The following GRIN2B variants were observed in gnomAD, a reference collection of about 807,000 sequenced individuals.
GRIN2B encodes the protein glutamate ionotropic receptor NMDA type subunit 2B.
Under a neutral mutation model 114.5 loss-of-function variants are expected in GRIN2B, and 5 were observed. That is an observed-to-expected ratio of 0.04 (90% confidence interval 0.02 to 0.09). The LOEUF is 0.09. Ranked by LOEUF, GRIN2B falls within the 10% of genes least tolerant of loss-of-function variation. The probability of loss-of-function intolerance (pLI) is 1.00; values close to 1 mark genes in which losing one functional copy is unlikely to be tolerated. For missense variants in GRIN2B, 1,108 were observed against 1,943.5 expected (o/e 0.57, Z 8.08); for synonymous variants, 787 against 745.1 (o/e 1.06, Z -0.92).
chr12:13,573,727 T>C (rs978427817), intron 10 of GRIN2B, among the ~76,000 whole-genome samples: 8 of 152,350 alleles, frequency 5.3e-5, no homozygotes, highest in African/African-American at 1.9e-4. Flanking sequence ...AGGAGAACTC[T>C]GAAGCCTTGG....
chr12:13,858,722 T>C (rs1453691726), intron 3 of GRIN2B, among the ~76,000 whole-genome samples: 12 of 152,228 alleles, frequency 7.9e-5, no homozygotes, highest in Admixed American at 4.6e-4. Flanking sequence ...ATTCAAACAC[T>C]ATTTTATTCC....
intron 2 of GRIN2B, among the ~76,000 whole-genome samples, chr12:13,946,792 T>A (rs1434260709): frequency 1.3e-5 from 2 of 152,184 alleles, no homozygotes; most frequent in African/African-American, 4.8e-5. Flanking sequence ...TTACCACAGT[T>A]TAAAATATAT....
At chr12:13,902,574 G>A (rs1591612123) in intron 2 of GRIN2B, among the ~76,000 whole-genome samples, 2 of 152,138 alleles carry the variant, frequency 1.3e-5, no homozygotes, top group East Asian at 3.9e-4. Flanking sequence ...ACTTTGGGAG[G>A]CCAAGGTGGG....
chr12:13,958,996 A>ACAT (rs1867646226), intron 2 of GRIN2B, among the ~76,000 whole-genome samples: 1 of 152,158 alleles, frequency 6.6e-6, no homozygotes, highest in Admixed American at 6.5e-5. Flanking sequence ...AGAAACATAC[A>ACAT]CATTTGGATA....
intron 5 of GRIN2B, among the ~76,000 whole-genome samples, chr12:13,664,321 G>C (rs987982210): frequency 6.6e-6 from 1 of 152,084 alleles, no homozygotes; most frequent in African/African-American, 2.4e-5. Flanking sequence ...GGGCTGGGGT[G>C]GGGGAGAAGA....
chr12:13,571,233 T>C (rs1022024577), intron 11 of GRIN2B, among the ~76,000 whole-genome samples: 1 of 152,164 alleles, frequency 6.6e-6, no homozygotes, highest in African/African-American at 2.4e-5. Context: ...CTGTGGCTTG[T>C]GGAGGCCAAA....
In GRIN2B at chr12:13,546,327, T is replaced by C. The variant is rs1948341707; in HGVS notation, c.*16456A>G. On this transcript the variant is annotated 3_prime_UTR_variant, in exon 14 of 14. Coordinates refer to ENST00000609686, the MANE Select transcript of GRIN2B (RefSeq NM_000834.5). ...TTGAAGAATCGAGCTACAATGCTTA[T>C]CAATGTCTGTCTGGAAGAAAGCCTA... The C allele has an allele frequency of 6.6e-6, 1 of 152,228 alleles. No individual in the cohort carries two copies. Among genetic ancestry groups the C allele is most frequent in the Admixed American group, 6.5e-5 (1 of 15,288 alleles). The allele number at this position is 152,228 out of a possible 1,614,324, so 9.4% of individuals were successfully genotyped here. A position where few individuals can be genotyped will look rare whatever the true frequency, so the allele number is the denominator to read the frequency against.
intron 5 of GRIN2B, among the ~76,000 whole-genome samples, chr12:13,625,815 C>G (rs944400997): frequency 6.6e-6 from 1 of 152,090 alleles, no homozygotes; most frequent in Non-Finnish European, 1.5e-5. Context: ...CTGAATTTAC[C>G]CAAGGTCTTG....
intron 3 of GRIN2B, among the ~76,000 whole-genome samples, chr12:13,783,949 C>T (rs148457875): frequency 2.5e-4 from 38 of 152,140 alleles, no homozygotes; most frequent in African/African-American, 7.2e-4. Flanking sequence ...CCCGGCCGGG[C>T]GCGGTGGCTC....
intron 2 of GRIN2B, among the ~76,000 whole-genome samples, chr12:13,901,407 T>C (rs1041739812): frequency 6.6e-6 from 1 of 152,128 alleles, no homozygotes; most frequent in Non-Finnish European, 1.5e-5. Context: ...GAATATAACT[T>C]AAAGAAACTA....
intron 2 of GRIN2B, among the ~76,000 whole-genome samples, chr12:13,955,950 G>A (rs914494046): frequency 4.6e-5 from 7 of 152,184 alleles, no homozygotes; most frequent in Admixed American, 4.6e-4. Context: ...AGACAAGGGT[G>A]ACAAGGGCTG....
chr12:13,768,275 C>T (rs922644774), intron 3 of GRIN2B, among the ~76,000 whole-genome samples: 2 of 152,210 alleles, frequency 1.3e-5, no homozygotes, highest in African/African-American at 4.8e-5. Context: ...GACCATCTTG[C>T]AGCTGCCCAG....
intron 3 of GRIN2B, among the ~76,000 whole-genome samples, chr12:13,761,388 A>G (rs537567918): frequency 6.6e-6 from 1 of 152,320 alleles, no homozygotes; most frequent in Non-Finnish European, 1.5e-5. Flanking sequence ...GAGAATGTCT[A>G]CAAGATTCTT....
chr12:13,693,246 G>C (rs925738412), intron 4 of GRIN2B, among the ~76,000 whole-genome samples: 2 of 151,978 alleles, frequency 1.3e-5, no homozygotes, highest in Non-Finnish European at 2.9e-5. Flanking sequence ...ACATCATTTC[G>C]CTTAAGGTTG....
chr12:13,591,479 C>T (rs971805391), intron 10 of GRIN2B, among the ~76,000 whole-genome samples: 1 of 152,156 alleles, frequency 6.6e-6, no homozygotes, highest in Non-Finnish European at 1.5e-5. Context: ...TTTTAATCCC[C>T]ATTCTACACA....
intron 2 of GRIN2B, among the ~76,000 whole-genome samples, chr12:13,891,940 C>A (rs1469003094): frequency 6.6e-6 from 1 of 152,170 alleles, no homozygotes; most frequent in African/African-American, 2.4e-5. Flanking sequence ...AAGCCTTGCC[C>A]TTTAGAAGCA....
rs1948239223 is a variant in GRIN2B, at chr12:13,538,634, G to C, written c.*24149C>G. On this transcript the variant is annotated 3_prime_UTR_variant, in exon 14 of 14. Coordinates refer to ENST00000609686, the MANE Select transcript of GRIN2B (RefSeq NM_000834.5). ...GTTCAGAATCAGCCTGGACAACATG[G>C]TGAAACCCCGTCTCTACAAAAAATA... 1 of 152,042 alleles carries C rather than the reference G, an allele frequency of 6.6e-6. No individual in the cohort carries two copies. The highest frequency in any genetic ancestry group is 6.6e-5 in the Admixed American group (1 of 15,266). The allele number at this position is 152,042 out of a possible 1,614,324, so 9.4% of individuals were successfully genotyped here.
intron 2 of GRIN2B, among the ~76,000 whole-genome samples, chr12:13,957,065 A>G (rs1867604738): frequency 6.6e-6 from 1 of 152,186 alleles, no homozygotes; most frequent in Non-Finnish European, 1.5e-5. Context: ...AGTGGAGCAG[A>G]ATAGTGAACA....
chr12:13,866,264 T>A, intron 2 of GRIN2B, 38 bp from the exon 3 acceptor site: 1 of 1,558,334 alleles, frequency 6.4e-7, no homozygotes, highest in South Asian at 1.1e-5. Context: ...AAATAGGATC[T>A]ACATCACGTA....
Sources: gnomAD v4.1 joint callset for allele counts (sites outside exome capture counted in the v4.1 genomes callset) on GRCh38, gnomAD v4.1.1 for gene constraint, MANE v1.5 for transcripts, NCBI Gene and HGNC (gene_info 2026-07-23, HGNC 2026-07-21) for gene names.